The following DMD variants were observed in gnomAD, a reference collection of about 807,000 sequenced individuals.
DMD encodes dystrophin.
A neutral mutation model predicts 330.1 loss-of-function variants in DMD; 63 were observed. That is an observed-to-expected ratio of 0.19 (90% CI 0.16 to 0.24). The LOEUF is 0.24. Ranked by LOEUF, DMD falls within the 10% of genes least tolerant of loss-of-function variation. DMD has a pLI of 1.00. For missense variants in DMD, 3,344 were observed against 2,684.1 expected (o/e 1.25, Z -5.43); for synonymous variants, 1,223 against 959.8 (o/e 1.27, Z -5.07).
chrX:31,625,796 AT>A (rs1007014058), intron 55 of DMD, among the ~76,000 whole-genome samples: 4 of 111,134 alleles, frequency 3.6e-5, no homozygotes, highest in African/African-American at 1.3e-4. Context: ...AAATAGACGT[AT>A]TTTTGCCCTC....
At chrX:33,069,258 C>T (rs2148142119) in intron 1 of DMD, among the ~76,000 whole-genome samples, 1 of 110,673 alleles carries the variant, frequency 9.0e-6, no homozygotes, top group Admixed American at 9.8e-5. Context: ...CAATATTTTG[C>T]TCCCCGTGTT....
intron 54 of DMD, among the ~76,000 whole-genome samples, chrX:31,654,651 T>C (rs2080668041): frequency 9.0e-6 from 1 of 111,300 alleles, no homozygotes. Flanking sequence ...ATCAAACTAA[T>C]ACAGGAACAA....
At chrX:33,257,463 C>T (rs1362740127) in intron 1 of DMD, among the ~76,000 whole-genome samples, 1 of 111,049 alleles carries the variant, frequency 9.0e-6, no homozygotes, top group East Asian at 2.8e-4. Context: ...TTGACAGAAA[C>T]GCTCTTTCAA....
intron 45 of DMD, among the ~76,000 whole-genome samples, chrX:31,946,494 C>T (rs1242206393): frequency 9.0e-6 from 1 of 111,592 alleles, no homozygotes; most frequent in Non-Finnish European, 1.9e-5. Context: ...TTACTAAATT[C>T]ATTAAAAATT....
At chrX:32,781,818 CACT>C (rs1308480983) in intron 7 of DMD, among the ~76,000 whole-genome samples, 2 of 111,364 alleles carry the variant, frequency 1.8e-5, no homozygotes, top group Non-Finnish European at 3.8e-5. Context: ...GAAGAATGCT[CACT>C]AAAGATTTTA....
chrX:32,727,298 C>G (rs559733313), intron 7 of DMD, among the ~76,000 whole-genome samples: 8 of 110,754 alleles, frequency 7.2e-5, no homozygotes, highest in African/African-American at 2.6e-4. Flanking sequence ...ATTTGCTCCT[C>G]AAAAAATACT....
At chrX:31,562,203 A>T (rs1473112216) in intron 55 of DMD, among the ~76,000 whole-genome samples, 1 of 112,247 alleles carries the variant, frequency 8.9e-6, no homozygotes, top group Admixed American at 9.4e-5. Flanking sequence ...AACATATTCA[A>T]TAATTTCCAC....
chrX:32,292,299 A>ATTTTTTTTT (rs1355530949), intron 42 of DMD, among the ~76,000 whole-genome samples: 1 of 30,868 alleles, frequency 3.2e-5, no homozygotes, highest in African/African-American at 1.9e-4. Flanking sequence ...CAAAGGGAAT[A>ATTTTTTTTT]TTCTTTTTTT....
At chrX:32,211,966 C>G (rs1018823106) in intron 44 of DMD, among the ~76,000 whole-genome samples, 2 of 112,144 alleles carry the variant, frequency 1.8e-5, no homozygotes, top group African/African-American at 3.2e-5. Flanking sequence ...TCTCCAAGAA[C>G]ATGCTAGCTT....
chrX:31,267,245 G>C (rs1160365911), intron 62 of DMD, among the ~76,000 whole-genome samples: 1 of 112,013 alleles, frequency 8.9e-6, no homozygotes, highest in African/African-American at 3.2e-5. Context: ...AATGACCCAG[G>C]TGCAAATGAC....
chrX:31,538,447 T>C (rs12556306), intron 55 of DMD, among the ~76,000 whole-genome samples: 16,762 of 111,761 alleles, frequency 0.15, 992 homozygotes, highest in Middle Eastern at 0.24. Context: ...CCTTTATTTA[T>C]TGATGTGTCT....
At chrX:33,220,125 T>G (rs1324669176) in intron 1 of DMD, among the ~76,000 whole-genome samples, 1 of 111,864 alleles carries the variant, frequency 8.9e-6, no homozygotes, top group East Asian at 2.8e-4. Context: ...TTTTTTTCCC[T>G]TGCCCTCTGA....
chrX:31,527,411 G>A (rs2147429830), intron 55 of DMD, among the ~76,000 whole-genome samples: 1 of 111,907 alleles, frequency 8.9e-6, no homozygotes. Context: ...AGTTAGGGTT[G>A]TCAGATAAAA....
At chrX:32,602,777 C>A (rs1286100210) in intron 12 of DMD, among the ~76,000 whole-genome samples, 16 of 111,055 alleles carry the variant, frequency 1.4e-4, no homozygotes, top group Non-Finnish European at 3.0e-4. Flanking sequence ...TCCTGGGAAT[C>A]CAAATGCCAC....
At chrX:32,521,802 G>A (rs184996905) in intron 17 of DMD, among the ~76,000 whole-genome samples, 1 of 111,924 alleles carries the variant, frequency 8.9e-6, no homozygotes, top group East Asian at 2.8e-4. Context: ...TGAATTTTGT[G>A]CCCCACAAAA....
At chrX:32,029,427 A>G (rs1017602214) in intron 44 of DMD, among the ~76,000 whole-genome samples, 19 of 111,057 alleles carry the variant, frequency 1.7e-4, no homozygotes, top group African/African-American at 6.2e-4. Context: ...CAATTTCTGC[A>G]GGGGATAAAT....
intron 2 of DMD, among the ~76,000 whole-genome samples, chrX:32,880,735 G>A (rs1011562465): frequency 1.8e-5 from 2 of 111,745 alleles, no homozygotes; most frequent in African/African-American, 6.5e-5. Context: ...ACCTGAGGTC[G>A]GGAGTTCGAG....
At chrX:33,048,088 T>C (rs2094406986) in intron 1 of DMD, among the ~76,000 whole-genome samples, 1 of 112,354 alleles carries the variant, frequency 8.9e-6, no homozygotes, top group East Asian at 2.8e-4. Context: ...TATATGCATA[T>C]AATATTTTTG....
Position 31,549,271 on chromosome X carries a change from G to A in DMD, c.8218-41818C>T, listed in dbSNP as rs183306706. On this transcript the variant is annotated intron_variant, in intron 55 of 78. Coordinates refer to ENST00000357033, the MANE Select transcript of DMD (RefSeq NM_004006.3). ...TCTGACTCTTCTAAAAGTTTTTGGT[G>A]TAAATTAAAGATGATCTGAATTATC... 2.7e-5 allele frequency among the ~76,000 whole-genome samples: 3 copies of A among 109,978 alleles called. No individual in the cohort carries two copies. The East Asian group carries it at 8.6e-4, about 31-fold the overall frequency.
Sources: gnomAD v4.1 joint callset for allele counts (sites outside exome capture counted in the v4.1 genomes callset) on GRCh38, gnomAD v4.1.1 for gene constraint, MANE v1.5 for transcripts, NCBI Gene and HGNC (gene_info 2026-07-23, HGNC 2026-07-21) for gene names.